Variants in CNTNAP3 observed in about 807,000 individuals in gnomAD.
CNTNAP3 encodes the protein contactin associated protein family member 3.
In CNTNAP3, 36 loss-of-function variants were observed where a neutral mutation model predicts 92.1. The ratio of observed to expected loss-of-function variants is 0.39; its 90% CI spans 0.30 to 0.52. The LOEUF is 0.52. Ranked by LOEUF, CNTNAP3 falls within the 20% of genes least tolerant of loss-of-function variation. The probability of loss-of-function intolerance (pLI) is 0.76; values close to 1 mark genes in which losing one functional copy is unlikely to be tolerated. For missense variants in CNTNAP3, 534 were observed against 1,069.6 expected, an observed-to-expected ratio of 0.50 and a Z score of 6.98; for synonymous variants, 232 against 422.3, an observed-to-expected ratio of 0.55 and a Z score of 5.53.
chr9:39,066,560 T>C lies in CNTNAP3; in HGVS notation c.*7330A>G, dbSNP rs962888578. Among the ~76,000 whole-genome samples, 1 of 152,286 alleles carries C rather than the reference T, an allele frequency of 6.6e-6. No homozygotes were observed. Among genetic ancestry groups the C allele is most frequent in the African/African-American group, 2.4e-5 (1 of 41,484 alleles). On this transcript the variant is annotated 3_prime_UTR_variant, in exon 24 of 24. Coordinates refer to ENST00000297668, the MANE Select transcript of CNTNAP3 (RefSeq NM_033655.5). The stretch of plus-strand genomic sequence containing the variant: ...CAGGTTTGCTGATAATATATTACTT[T>C]TAACTTTTCTATGTCTGAAAAATAT...
Position 39,114,081 on chromosome 9 carries a change from C to CTT in CNTNAP3, c.2237+4020_2237+4021dup, listed in dbSNP as rs963951891. ...ATATATATATATACACACACACATA[C>CTT]TTTTTTTTTTTTTTTTTTTGAGACA... On this transcript the variant is annotated intron_variant, in intron 14 of 23. Coordinates refer to ENST00000297668, the MANE Select transcript of CNTNAP3 (RefSeq NM_033655.5). Among the ~76,000 whole-genome samples, 420 of 130,284 alleles carry CTT rather than the reference C, an allele frequency of 3.2e-3. 5 individuals are homozygous for CTT. The highest frequency in any genetic ancestry group is 0.011 in the African/African-American group (382 of 34,768). The allele number at this position is 130,284 out of a possible 152,430, so 85.5% of individuals were successfully genotyped here.
chr9:39,132,958 C>CCGCAGCGCAGAGCCAGCCGCTGCT lies in CNTNAP3; in HGVS notation c.2030_2053dup (p.Glu677_Cys684dup). The CCGCAGCGCAGAGCCAGCCGCTGCT allele has an allele frequency of 6.5e-7, 1 of 1,548,352 alleles. No individual in the cohort carries two copies. Among genetic ancestry groups the CCGCAGCGCAGAGCCAGCCGCTGCT allele is most frequent in the Non-Finnish European group, 8.6e-7 (1 of 1,157,130 alleles). On this transcript the variant is annotated inframe_insertion, in exon 13 of 24. Coordinates refer to ENST00000297668, the MANE Select transcript of CNTNAP3 (RefSeq NM_033655.5). ...TCGTGAGTCCGGGCGCCGCGCCGTC[C>CCGCAGCGCAGAGCCAGCCGCTGCT]CGCAGCGCAGAGCCAGCCGCTGCTC...
chr9:39,083,650 C>T (rs1263726271), intron 21 of CNTNAP3, among the ~76,000 whole-genome samples: 1 of 152,220 alleles, frequency 6.6e-6, no homozygotes, highest in Admixed American at 6.5e-5. Flanking sequence ...CAGAGTGATA[C>T]TCATCTCAAA....
At chr9:39,120,936 T>C (rs1395180876) in intron 13 of CNTNAP3, among the ~76,000 whole-genome samples, 2 of 152,036 alleles carry the variant, frequency 1.3e-5, no homozygotes, top group African/African-American at 2.4e-5. Context: ...GACAATGATA[T>C]TTAGAAGTGG....
intron 15 of CNTNAP3, among the ~76,000 whole-genome samples, chr9:39,104,657 A>G (rs1192106655): frequency 1.3e-5 from 2 of 152,120 alleles, no homozygotes; most frequent in Non-Finnish European, 2.9e-5. Context: ...ATTCTGGTAC[A>G]GTGTGTGAGT....
Position 39,113,954 on chromosome 9 carries a change from T to TTC in CNTNAP3, c.2237+4147_2237+4148dup, listed in dbSNP as rs1001248500. ...CAATTTGCCTTTGCATATTTGTTAA[T>TTC]TCTCTCTCTCTCTATATATACACAC... On this transcript the variant is annotated intron_variant, in intron 14 of 23. Transcript: ENST00000297668. 3.9e-4 allele frequency among the ~76,000 whole-genome samples: 59 copies of TTC among 151,268 alleles called. 1 individual carries two copies. In the South Asian group the frequency reaches 5.2e-3, roughly 13 times the overall value.
intron 15 of CNTNAP3, among the ~76,000 whole-genome samples, chr9:39,107,707 A>G (rs561439059): frequency 6.6e-6 from 1 of 152,294 alleles, no homozygotes; most frequent in African/African-American, 2.4e-5. Flanking sequence ...GGAGAAGGAC[A>G]AAGAGATTAA....
intron 23 of CNTNAP3, 160 bp downstream of exon 23, chr9:39,078,222 CAAA>C (rs1442386366): frequency 2.1e-4 from 3 of 14,076 alleles, no homozygotes; most frequent in Admixed American, 1.7e-3. Flanking sequence ...AGAAAAAAAA[CAAA>C]GAACAAAAAA....
At chr9:39,078,492 T>C (rs970446621) in intron 22 of CNTNAP3, 36 bp from the exon 23 acceptor site, 2 of 1,611,970 alleles carry the variant, frequency 1.2e-6, no homozygotes, top group African/African-American at 2.7e-5. Flanking sequence ...GTTTATTAGC[T>C]TGATTTAATC....
At chr9:39,133,666 T>C (rs1821359408) in intron 12 of CNTNAP3, among the ~76,000 whole-genome samples, 1 of 152,176 alleles carries the variant, frequency 6.6e-6, no homozygotes, top group Admixed American at 6.5e-5. Flanking sequence ...TCAGAGGCCT[T>C]GAGCTTCTAA....
chr9:39,097,358 G>A (rs1826350362), intron 18 of CNTNAP3, among the ~76,000 whole-genome samples: 1 of 151,962 alleles, frequency 6.6e-6, no homozygotes, highest in Non-Finnish European at 1.5e-5. Flanking sequence ...TGGGGAGTGA[G>A]AGTGGCCTGC....
At chr9:39,140,989 T>C (rs1329837183) in intron 11 of CNTNAP3, among the ~76,000 whole-genome samples, 2 of 152,198 alleles carry the variant, frequency 1.3e-5, no homozygotes, top group African/African-American at 4.8e-5. Context: ...AATGCGATAC[T>C]ATCTTCAATA....
chr9:39,120,293 G>A (rs1326632300), intron 13 of CNTNAP3, among the ~76,000 whole-genome samples: 1 of 152,090 alleles, frequency 6.6e-6, no homozygotes, highest in African/African-American at 2.4e-5. Context: ...AGAAGGAATG[G>A]CATATTTTTT....
intron 18 of CNTNAP3, among the ~76,000 whole-genome samples, chr9:39,091,181 T>TA (rs1826190436): frequency 6.6e-6 from 1 of 151,126 alleles, no homozygotes; most frequent in East Asian, 1.9e-4. Context: ...CTTTTTTTTT[T>TA]TTTTTCATTT....
Position 39,065,647 on chromosome 9 carries a change from T to C in CNTNAP3, c.*8243A>G, listed in dbSNP as rs1422864069. Among the ~76,000 whole-genome samples the C allele has an allele frequency of 7.5e-3, 1,143 of 151,526 alleles. No homozygotes were observed. The highest frequency in any genetic ancestry group is 0.012 in the Non-Finnish European group (803 of 67,420). On this transcript the variant is annotated 3_prime_UTR_variant, in exon 24 of 24. Coordinates refer to ENST00000297668, the MANE Select transcript of CNTNAP3 (RefSeq NM_033655.5). The stretch of plus-strand genomic sequence containing the variant: ...TCAACAACACGTGGTACTGACAATA[T>C]TTTTAATCATAACCATTTTAGTGGG...
Position 39,099,914 on chromosome 9 carries a change from T to C in CNTNAP3, c.2992A>G (p.Asn998Asp), listed in dbSNP as rs1418966177. ...CCTGCTCCTTGGTCACACTTACCAT[T>C]GGAGCAGAACGGCCCATCATAGGCT... Reference protein sequence around the residue: ...FSAYDGPFCSNEISAYFATGS... With the variant: ...FSAYDGPFCSDEISAYFATGS... Residue 998 changes from asparagine to aspartate, a missense_variant, in exon 18 of 24, where the codon AAT (asparagine) becomes GAT (aspartate). By Grantham distance (23) the Asn-to-Asp change is conservative (BLOSUM62 1). Coordinates refer to ENST00000297668, the MANE Select transcript of CNTNAP3 (RefSeq NM_033655.5). The C allele has an allele frequency of 1.9e-6, 3 of 1,611,140 alleles. No individual in the cohort carries two copies. Among genetic ancestry groups the C allele is most frequent in the South Asian group, 2.2e-5 (2 of 90,844 alleles).
At chr9:39,099,278 A>C (rs1826396851) in intron 18 of CNTNAP3, among the ~76,000 whole-genome samples, 1 of 152,132 alleles carries the variant, frequency 6.6e-6, no homozygotes, top group Admixed American at 6.5e-5. Flanking sequence ...ACATGATTGT[A>C]CCTGAGCAGA....
At chr9:39,119,993 G>A (rs1290237123) in intron 13 of CNTNAP3, among the ~76,000 whole-genome samples, 1 of 152,034 alleles carries the variant, frequency 6.6e-6, no homozygotes, top group Non-Finnish European at 1.5e-5. Flanking sequence ...AATATCATCC[G>A]AATCTCAAAA....
intron 13 of CNTNAP3, among the ~76,000 whole-genome samples, chr9:39,124,892 A>G (rs1372441740): frequency 6.6e-6 from 1 of 152,066 alleles, no homozygotes; most frequent in Non-Finnish European, 1.5e-5. Flanking sequence ...AAATAGGAAC[A>G]CTTTTACACT....
Sources: gnomAD v4.1 joint callset for allele counts (sites outside exome capture counted in the v4.1 genomes callset) on GRCh38, gnomAD v4.1.1 for gene constraint, MANE v1.5 for transcripts, NCBI Gene and HGNC (gene_info 2026-07-23, HGNC 2026-07-21) for gene names.